PRKN: variants seen among roughly 807,000 people sequenced by gnomAD.
PRKN encodes the protein parkin RBR E3 ubiquitin protein ligase, also known as E3 ubiquitin-protein ligase parkin.
PRKN carries 56 observed loss-of-function variants against 59.5 expected under a neutral mutation model. The observed-to-expected ratio is 0.94, with a 90% CI of 0.76 to 1.18. The LOEUF is 1.18. PRKN is among the 50% of genes most tolerant of loss of function. The pLI, the probability that PRKN is intolerant of heterozygous loss-of-function variation, is 0.00. For synonymous variants in PRKN, 250 were observed against 222.1 expected (o/e 1.13, Z -1.12); for missense variants, 657 against 596.4 (o/e 1.10, Z -1.06).
At chr6:161,837,160 C>G (rs542164418) in intron 6 of PRKN, among the ~76,000 whole-genome samples, 73 of 152,256 alleles carry the variant, frequency 4.8e-4, no homozygotes, top group African/African-American at 1.5e-3. Flanking sequence ...CTCCTCCCCC[C>G]TCATCAATGC....
intron 6 of PRKN, among the ~76,000 whole-genome samples, chr6:161,792,353 G>A (rs1193430549): frequency 2.0e-5 from 3 of 152,170 alleles, no homozygotes; most frequent in Non-Finnish European, 4.4e-5. Flanking sequence ...TTTGAAAAAC[G>A]GTCAGGATTC....
intron 3 of PRKN, among the ~76,000 whole-genome samples, chr6:162,234,933 T>C (rs1024589575): frequency 2.0e-5 from 3 of 152,214 alleles, no homozygotes; most frequent in South Asian, 4.1e-4. Flanking sequence ...GTGATATTAA[T>C]GTCCCTTCCA....
intron 2 of PRKN, among the ~76,000 whole-genome samples, chr6:162,384,332 C>T (rs1583476003): frequency 6.6e-6 from 1 of 152,194 alleles, no homozygotes; most frequent in East Asian, 1.9e-4. Context: ...TATTAGCTGG[C>T]CTGATTTCAA....
At chr6:161,653,977 T>C (rs1024521937) in intron 7 of PRKN, among the ~76,000 whole-genome samples, 1 of 150,586 alleles carries the variant, frequency 6.6e-6, no homozygotes, top group South Asian at 2.1e-4. Context: ...TAGTCTCTAA[T>C]GTTATTTAGA....
At chr6:162,116,245 T>C (rs1466506996) in intron 4 of PRKN, among the ~76,000 whole-genome samples, 1 of 152,202 alleles carries the variant, frequency 6.6e-6, no homozygotes, top group East Asian at 1.9e-4. Flanking sequence ...GCAGGCCACA[T>C]AAGGATCTTG....
intron 10 of PRKN, among the ~76,000 whole-genome samples, chr6:161,375,557 G>A (rs190391110): frequency 1.3e-5 from 2 of 152,250 alleles, no homozygotes; most frequent in African/African-American, 4.8e-5. Context: ...TACAAACGGC[G>A]AAACACACAC....
chr6:162,005,190 A>T (rs1035948881), intron 5 of PRKN, among the ~76,000 whole-genome samples: 4 of 152,206 alleles, frequency 2.6e-5, no homozygotes, highest in African/African-American at 9.6e-5. Flanking sequence ...TATTTCAAGC[A>T]TGTGCTTCTT....
At chr6:162,222,443 G>A (rs1777977842) in intron 3 of PRKN, among the ~76,000 whole-genome samples, 1 of 152,158 alleles carries the variant, frequency 6.6e-6, no homozygotes, top group South Asian at 2.1e-4. Context: ...ATCATGCTGA[G>A]AGTCCCACGT....
chr6:162,003,681 C>T (rs1782144949), intron 5 of PRKN, among the ~76,000 whole-genome samples: 1 of 152,108 alleles, frequency 6.6e-6, no homozygotes, highest in Middle Eastern at 3.2e-3. Flanking sequence ...TATACCATAA[C>T]TTGTTTATGC....
At chr6:162,410,008 C>T (rs1200134522) in intron 2 of PRKN, among the ~76,000 whole-genome samples, 2 of 152,068 alleles carry the variant, frequency 1.3e-5, no homozygotes, top group Admixed American at 6.5e-5. Flanking sequence ...CAGCTTTCAT[C>T]GACTCAGCAT....
chr6:161,487,735 G>A lies in PRKN; in HGVS notation c.1083+61119C>T, dbSNP rs1403527312. ...TCAGAAAAAGCGCCTATGGAGGCTC[G>A]CGAATAGAGAGGCACCATGCTCATT... On this transcript the variant is annotated intron_variant, in intron 9 of 11. Coordinates refer to ENST00000366898, the MANE Select transcript of PRKN (RefSeq NM_004562.3). This position sits in a 1 kb window ranked among gnomAD's most constrained non-coding sequence, Gnocchi z 5.3. 6.6e-6 allele frequency among the ~76,000 whole-genome samples: 1 copy of A among 152,128 alleles called. No homozygotes were observed. The highest frequency in any genetic ancestry group is 1.5e-5 in the Non-Finnish European group (1 of 68,026).
intron 9 of PRKN, among the ~76,000 whole-genome samples, chr6:161,472,029 A>T (rs1445045628): frequency 4.6e-5 from 7 of 152,000 alleles, no homozygotes; most frequent in African/African-American, 1.7e-4. Flanking sequence ...TGAAAAACCT[A>T]ATCTAGTATT....
At chr6:162,427,839 G>A (rs1033430374) in intron 2 of PRKN, among the ~76,000 whole-genome samples, 20 of 151,662 alleles carry the variant, frequency 1.3e-4, no homozygotes, top group African/African-American at 1.9e-4. Flanking sequence ...TAGTTGAGAC[G>A]GGGTAATAAA....
chr6:162,039,088 G>C (rs548385836), intron 5 of PRKN, among the ~76,000 whole-genome samples: 1 of 151,806 alleles, frequency 6.6e-6, no homozygotes, highest in African/African-American at 2.4e-5. Flanking sequence ...CCCAGGAGGC[G>C]CAGCTTGCAG....
intron 7 of PRKN, among the ~76,000 whole-genome samples, chr6:161,711,624 T>A (rs981073623): frequency 6.6e-6 from 1 of 152,174 alleles, no homozygotes; most frequent in African/African-American, 2.4e-5. Context: ...TTCCTGGGTG[T>A]TTCTGTGAGG....
chr6:162,554,864 GA>G (rs1779492942), intron 1 of PRKN, among the ~76,000 whole-genome samples: 1 of 152,152 alleles, frequency 6.6e-6, no homozygotes, highest in African/African-American at 2.4e-5. Context: ...GTGATTGTGG[GA>G]AAAATTCCAA....
chr6:161,850,834 C>CAT (rs1298586248), intron 6 of PRKN, among the ~76,000 whole-genome samples: 16 of 152,228 alleles, frequency 1.1e-4, no homozygotes, highest in African/African-American at 3.9e-4. Flanking sequence ...CAGTAACAGT[C>CAT]ATACTAATGT....
intron 1 of PRKN, among the ~76,000 whole-genome samples, chr6:162,719,984 T>G (rs906881704): frequency 5.9e-5 from 9 of 151,994 alleles, no homozygotes; most frequent in Non-Finnish European, 1.0e-4. Flanking sequence ...ATTTTATTAA[T>G]ACGAGCAAGT....
rs553295002 is a variant in PRKN, at chr6:161,444,783, A to G, written c.1084-57906T>C. Among the ~76,000 whole-genome samples, 39 of 152,292 alleles carry G rather than the reference A, an allele frequency of 2.6e-4. 1 individual carries two copies. The highest frequency in any genetic ancestry group is 8.7e-4 in the African/African-American group (36 of 41,556). On this transcript the variant is annotated intron_variant, in intron 9 of 11. Transcript: ENST00000366898. This position sits in a 1 kb window ranked among gnomAD's most constrained non-coding sequence, Gnocchi z 5.6. Reference sequence around the variant, plus strand: ...CATGCTGTACGGACAGAATCTTTACATGTCGTTTATTTTGCATTTCAAATG... The same window carrying G: ...CATGCTGTACGGACAGAATCTTTACGTGTCGTTTATTTTGCATTTCAAATG...
Sources: gnomAD v4.1 joint callset for allele counts (sites outside exome capture counted in the v4.1 genomes callset) on GRCh38, gnomAD v4.1.1 for gene constraint, Gnocchi (gnomAD v3.1) non-coding constraint, MANE v1.5 for transcripts, NCBI Gene and HGNC (gene_info 2026-07-23, HGNC 2026-07-21) for gene names.